The following XKR6 variants were observed in gnomAD, a reference collection of about 807,000 sequenced individuals.
XKR6 encodes the protein XK-related protein 6.
XKR6 carries 22 observed loss-of-function variants against 56.7 expected under a neutral mutation model. The observed-to-expected ratio is 0.39, with a 90% CI of 0.28 to 0.55. The LOEUF (loss-of-function observed/expected upper bound fraction) is 0.55, where lower values mean the gene tolerates loss of function less well. XKR6 is among the 20% of genes least tolerant of loss of function. The probability of loss-of-function intolerance (pLI) is 0.66; values close to 1 mark genes in which losing one functional copy is unlikely to be tolerated. For missense variants in XKR6, 852 were observed against 889.0 expected (o/e 0.96, Z 0.53); for synonymous variants, 524 against 387.8 (o/e 1.35, Z -4.13).
intron 1 of XKR6, among the ~76,000 whole-genome samples, chr8:11,064,086 G>A (rs1219277363): frequency 1.3e-5 from 2 of 152,058 alleles, no homozygotes; most frequent in African/African-American, 4.8e-5. Context: ...TCTCTTTCAT[G>A]TATCACTTCC....
Position 10,993,180 on chromosome 8 carries a change from C to T in XKR6, c.765-68350G>A, listed in dbSNP as rs75524124. On this transcript the variant is annotated intron_variant, in intron 1 of 2. Transcript: ENST00000416569. ...AGTAGTAAAGTAATCTTCTGAGTGA[C>T]GCCACTTTTTGGCTGGTAGCTCTCG... 7.6e-3 allele frequency among the ~76,000 whole-genome samples: 1,159 copies of T among 152,330 alleles called. 13 individuals carry two copies. The highest frequency in any genetic ancestry group is 0.027 in the African/African-American group (1,115 of 41,562).
chr8:11,132,795 T>C lies in XKR6; in HGVS notation c.764+67781A>G, dbSNP rs887591061. ...CACACACACACACACACGCACATTT[T>C]TTTTCTTGGAAGACTTTTTTTATTA... is the stretch of plus-strand genomic sequence containing the variant. On this transcript the variant is annotated intron_variant, in intron 1 of 2. Coordinates refer to ENST00000416569, the MANE Select transcript of XKR6 (RefSeq NM_173683.4). Among the ~76,000 whole-genome samples the C allele has an allele frequency of 1.2e-3, 137 of 110,794 alleles. 2 individuals carry two copies. Among genetic ancestry groups the C allele is most frequent in the African/African-American group, 3.9e-3 (120 of 30,638 alleles). The allele number at this position is 110,794 out of a possible 152,430, so 72.7% of individuals were successfully genotyped here. A position where few individuals can be genotyped will look rare whatever the true frequency, so the allele number is the denominator to read the frequency against.
intron 1 of XKR6, among the ~76,000 whole-genome samples, chr8:10,993,623 A>G (rs1451394806): frequency 6.6e-6 from 1 of 152,164 alleles, no homozygotes; most frequent in East Asian, 1.9e-4. Flanking sequence ...AGCAGGGGAG[A>G]GGCTGGGGGC....
At chr8:11,123,724 A>C (rs931309714) in intron 1 of XKR6, 10 of 384,020 alleles carry the variant, frequency 2.6e-5, no homozygotes, top group Middle Eastern at 3.9e-4. Flanking sequence ...TCTCCTGAAG[A>C]AATCCAATAT....
intron 2 of XKR6, among the ~76,000 whole-genome samples, chr8:10,911,539 ATATATATATATAGAGAGAATATC>A (rs1019029697): frequency 3.5e-5 from 5 of 143,948 alleles, no homozygotes; most frequent in Non-Finnish European, 7.6e-5. Flanking sequence ...GAGGGGGTGA[ATATATATATATAGAGAGAATATC>A]TATATATATA....
intron 1 of XKR6, among the ~76,000 whole-genome samples, chr8:11,079,463 C>T (rs1797638599): frequency 2.0e-5 from 3 of 152,158 alleles, no homozygotes; most frequent in Admixed American, 6.5e-5. Context: ...AAAATAAAAT[C>T]TGTCTATCTG....
At chr8:10,918,791 C>G (rs1195910036) in intron 2 of XKR6, among the ~76,000 whole-genome samples, 1 of 152,174 alleles carries the variant, frequency 6.6e-6, no homozygotes, top group Non-Finnish European at 1.5e-5. Context: ...CAGTGAGAAA[C>G]CACCACCTCT....
intron 2 of XKR6, among the ~76,000 whole-genome samples, chr8:10,902,197 C>T (rs1800054768): frequency 6.6e-6 from 1 of 152,218 alleles, no homozygotes; most frequent in Admixed American, 6.5e-5. Context: ...ACAAGGAGGG[C>T]TTGGGAAATG....
At chr8:10,999,550 T>C (rs554249503) in intron 1 of XKR6, among the ~76,000 whole-genome samples, 9 of 152,220 alleles carry the variant, frequency 5.9e-5, no homozygotes, top group Non-Finnish European at 1.2e-4. Context: ...CACCAGATTC[T>C]AGTTTCAGAA....
chr8:11,084,800 T>C (rs1797833888), intron 1 of XKR6, among the ~76,000 whole-genome samples: 1 of 152,222 alleles, frequency 6.6e-6, no homozygotes, highest in Admixed American at 6.5e-5. Context: ...GAGGTGGGAC[T>C]GCTGCCAGCT....
chr8:10,986,267 T>C (rs1182027655), intron 1 of XKR6, among the ~76,000 whole-genome samples: 1 of 152,236 alleles, frequency 6.6e-6, no homozygotes. Context: ...AACGTATGTA[T>C]TCTAAATAAA....
intron 1 of XKR6, chr8:11,107,967 T>C (rs1030598270): frequency 6.6e-6 from 2 of 303,932 alleles, no homozygotes; most frequent in African/African-American, 2.3e-5. Flanking sequence ...CTCTTCCATC[T>C]CTCCACTCGG....
chr8:10,925,851 G>C (rs1800866426), intron 1 of XKR6, among the ~76,000 whole-genome samples: 1 of 152,170 alleles, frequency 6.6e-6, no homozygotes, highest in Non-Finnish European at 1.5e-5. Context: ...TCCAAGGCAA[G>C]AGAAGGACTT....
At position 11,200,842 on chromosome 8, in the gene XKR6, G is replaced by C; in HGVS notation, c.498C>G (p.Leu166=). ...GCAGCGACGGCACCAGCACGAAGAA[G>C]AGGGTCAGCCCGAAGTAGACGTAGT... ...KGDYVYFGLT[L]FFVLVPSLLV... is the part of the protein sequence containing the mutation. The change falls in exon 1 of 3, where the codon CTC becomes CTG. Residue 166 remains leucine (L), a synonymous_variant. Coordinates refer to ENST00000416569, the MANE Select transcript of XKR6 (RefSeq NM_173683.4). The surrounding 1 kb of genome is among the most constrained non-coding windows in gnomAD (Gnocchi z 6.4). 3 of 1,612,074 alleles carry C rather than the reference G, an allele frequency of 1.9e-6. No individual in the cohort carries two copies. Among genetic ancestry groups the C allele is most frequent in the Non-Finnish European group, 2.5e-6 (3 of 1,179,536 alleles).
intron 1 of XKR6, among the ~76,000 whole-genome samples, chr8:11,081,908 G>C (rs1343182176): frequency 6.6e-6 from 1 of 152,224 alleles, no homozygotes; most frequent in Non-Finnish European, 1.5e-5. Context: ...CTCGAGGTGG[G>C]ACTGGATGCC....
intron 1 of XKR6, among the ~76,000 whole-genome samples, chr8:11,071,655 C>T (rs912725940): frequency 4.0e-5 from 6 of 149,222 alleles, no homozygotes; most frequent in African/African-American, 9.9e-5. Context: ...CCATGAGCCC[C>T]GAGTCTATGA....
rs1554515116 is a variant in XKR6, at chr8:10,954,866, C to CCTTTTTT, written c.765-30037_765-30036insAAAAAAG. 7.0e-4 allele frequency among the ~76,000 whole-genome samples: 65 copies of CCTTTTTT among 92,790 alleles called. 3 individuals carry two copies. The highest frequency in any genetic ancestry group is 2.1e-3 in the African/African-American group (49 of 23,260). The allele number at this position is 92,790 out of a possible 152,430, so 60.9% of individuals were successfully genotyped here. On this transcript the variant is annotated intron_variant, in intron 1 of 2. Coordinates refer to ENST00000416569, the MANE Select transcript of XKR6 (RefSeq NM_173683.4). ...TAAGGTAAGGGTCTAACTTCATTCTCTTTTTTTTTTTTTTTTTTTTAGACA... is the reference window on the plus strand; with the variant it reads ...TAAGGTAAGGGTCTAACTTCATTCTCCTTTTTTTTTTTTTTTTTTTTTTTTTTAGACA...
At chr8:10,957,064 C>T (rs996147654) in intron 1 of XKR6, among the ~76,000 whole-genome samples, 3 of 152,212 alleles carry the variant, frequency 2.0e-5, no homozygotes, top group African/African-American at 7.2e-5. Flanking sequence ...AATTCTCAGG[C>T]TTCAGCCTCC....
At chr8:11,059,546 G>A (rs1425922754) in intron 1 of XKR6, among the ~76,000 whole-genome samples, 2 of 151,980 alleles carry the variant, frequency 1.3e-5, no homozygotes, top group Non-Finnish European at 2.9e-5. Flanking sequence ...AACCCGGCCC[G>A]GCGAGCGACA....
Sources: gnomAD v4.1 joint callset for allele counts (sites outside exome capture counted in the v4.1 genomes callset) on GRCh38, gnomAD v4.1.1 for gene constraint, Gnocchi (gnomAD v3.1) non-coding constraint, MANE v1.5 for transcripts, NCBI Gene and HGNC (gene_info 2026-07-23, HGNC 2026-07-21) for gene names.